Variants in CEP78 observed in about 807,000 individuals in gnomAD.
CEP78 encodes centrosomal protein 78, also known as centrosomal protein of 78 kDa.
CEP78 carries 76 observed loss-of-function variants against 81.2 expected under a neutral mutation model. That is an observed-to-expected ratio of 0.94 (90% CI 0.78 to 1.13). The LOEUF (loss-of-function observed/expected upper bound fraction) is 1.13, where lower values mean the gene tolerates loss of function less well. CEP78 is among the 50% of genes most tolerant of loss of function. CEP78 has a pLI of 0.00. For missense variants in CEP78, 918 were observed against 846.8 expected (o/e 1.08, Z -1.04); for synonymous variants, 293 against 301.4 (o/e 0.97, Z 0.29).
chr9:78,240,029 A>C lies in CEP78; in HGVS notation c.260A>C (p.Asp87Ala), dbSNP rs367709973. The C allele has an allele frequency of 3.2e-6, 5 of 1,571,354 alleles. No individual in the cohort carries two copies. The highest frequency in any genetic ancestry group is 4.3e-6 in the Non-Finnish European group (5 of 1,166,984). Residue 87 changes from aspartate to alanine, a missense_variant, in exon 2 of 17, where the codon GAC becomes GCC. Physicochemically the swap from Asp to Ala is moderately radical, Grantham distance 126. Coordinates refer to ENST00000643273, the MANE Select transcript of CEP78 (RefSeq NM_001330691.3). ...TCTTTTATCTTTGTTTTAGGTTCTGACATGAATAAATTTTGCAGAAGTCGT... is the reference window on the plus strand; with the variant it reads ...TCTTTTATCTTTGTTTTAGGTTCTGCCATGAATAAATTTTGCAGAAGTCGT... ...FQPWLGDTGSDMNKFCRSRVP... is the reference protein window; with the variant it reads ...FQPWLGDTGSAMNKFCRSRVP...
intron 16 of CEP78, among the ~76,000 whole-genome samples, chr9:78,267,725 T>G (rs1390263094): frequency 1.3e-5 from 2 of 151,824 alleles, no homozygotes; most frequent in Non-Finnish European, 2.9e-5. Flanking sequence ...TAGAAAAGAG[T>G]GGGGCTATCA....
chr9:78,274,899 A>G lies in CEP78; in HGVS notation c.*4048A>G, dbSNP rs1827769858. ...TCCAGGAAGAAAGAAGACAAAAGAG[A>G]TGAATTAAACATTTAAAGCTAAGAA... On this transcript the variant is annotated 3_prime_UTR_variant, in exon 17 of 17. Transcript: ENST00000643273. 2 of 152,220 alleles carry G rather than the reference A, an allele frequency of 1.3e-5. No individual in the cohort carries two copies. The highest frequency in any genetic ancestry group is 1.3e-4 in the Admixed American group (2 of 15,284). The allele number at this position is 152,220 out of a possible 1,614,324, so 9.4% of individuals were successfully genotyped here.
rs1162317340 is a variant in CEP78, at chr9:78,273,297, A to T, written c.*2446A>T. 6.6e-6 allele frequency: 1 copy of T among 152,236 alleles called. No homozygotes were observed. Among genetic ancestry groups the T allele is most frequent in the Non-Finnish European group, 1.5e-5 (1 of 68,042 alleles). 9.4% of individuals were successfully genotyped at this position (152,236 alleles called of 1,614,324 possible). On this transcript the variant is annotated 3_prime_UTR_variant, in exon 17 of 17. Coordinates refer to ENST00000643273, the MANE Select transcript of CEP78 (RefSeq NM_001330691.3). ...AGATGAACAAAAATATACCAGGCAG[A>T]TGCTAAAGAGTAAATGTGGCTGTGT...
intron 5 of CEP78, among the ~76,000 whole-genome samples, chr9:78,244,822 G>T (rs1231498432): frequency 2.6e-5 from 4 of 152,140 alleles, no homozygotes; most frequent in Non-Finnish European, 5.9e-5. Flanking sequence ...GTTATAAACA[G>T]TACTTTGATA....
In CEP78 at chr9:78,243,539, T is replaced by C. The variant is rs1394320696; in HGVS notation, c.681T>C (p.Ala227=). ...RYRRPDLDCM[A]GLRRITLNCN... is the part of the protein sequence containing the mutation. ...GGAGACCTGATCTTGACTGTATGGC[T>C]GGCTTAAGACGTATCACACTGAATT... Residue 227 remains alanine, a synonymous_variant, in exon 5 of 17, where the codon GCT becomes GCC. Coordinates refer to ENST00000643273, the MANE Select transcript of CEP78 (RefSeq NM_001330691.3). The C allele has an allele frequency of 6.2e-7, 1 of 1,613,938 alleles. No individual in the cohort carries two copies. The highest frequency in any genetic ancestry group is 1.1e-5 in the South Asian group (1 of 91,072).
chr9:78,271,499 A>G lies in CEP78; in HGVS notation c.*648A>G, dbSNP rs1368658896. On this transcript the variant is annotated 3_prime_UTR_variant, in exon 17 of 17. Coordinates refer to ENST00000643273, the MANE Select transcript of CEP78 (RefSeq NM_001330691.3). ...AAAAAAATATTTAGAGTTTCTGGAA[A>G]TTAAAAATTTGATTATGAAACTGAA... is the stretch of plus-strand genomic sequence containing the variant. 2 of 152,166 alleles carry G rather than the reference A, an allele frequency of 1.3e-5. No individual in the cohort carries two copies. Among genetic ancestry groups the G allele is most frequent in the African/African-American group, 4.8e-5 (2 of 41,398 alleles). 9.4% of individuals were successfully genotyped at this position (152,166 alleles called of 1,614,324 possible).
In CEP78 at chr9:78,246,690, G is replaced by T; in HGVS notation, c.800G>T (p.Gly267Val). ...WLRALDLQQC[G>V]LTNEGAKALL... The stretch of plus-strand genomic sequence containing the variant: ...AAAGCTCTTGACCTGCAACAGTGCG[G>T]CCTCACCAATGAAGGAGCAAAGGCT... Residue 267 changes from glycine (G) to valine (V), a missense_variant, in exon 6 of 17, where the codon GGC becomes GTC. Gly to Val is a moderately radical substitution (Grantham distance 109). Transcript: ENST00000643273. 6.2e-7 allele frequency: 1 copy of T among 1,609,358 alleles called. No homozygotes were observed. Among genetic ancestry groups the T allele is most frequent in the Non-Finnish European group, 8.5e-7 (1 of 1,177,698 alleles).
intron 1 of CEP78, among the ~76,000 whole-genome samples, chr9:78,237,836 G>A (rs1239956680): frequency 6.6e-6 from 1 of 151,808 alleles, no homozygotes; most frequent in Non-Finnish European, 1.5e-5. Flanking sequence ...GGGCACCGTG[G>A]CTTATGCCTG....
chr9:78,246,641 C>T (rs182181651), intron 5 of CEP78, 28 bp from the exon 6 acceptor site: 71 of 1,366,526 alleles, frequency 5.2e-5, no homozygotes, highest in Admixed American at 1.7e-4. Flanking sequence ...ATAGAATTAG[C>T]AAGTGACCCT....
intron 15 of CEP78, 108 bp downstream of exon 15, chr9:78,266,014 G>A: frequency 1.5e-6 from 1 of 645,810 alleles, no homozygotes; most frequent in Non-Finnish European, 2.9e-6. Context: ...AAACCTGTCT[G>A]CCACAGGAGT....
At chr9:78,269,721 C>T (rs1020449064) in intron 16 of CEP78, among the ~76,000 whole-genome samples, 9 of 152,040 alleles carry the variant, frequency 5.9e-5, no homozygotes, top group African/African-American at 2.2e-4. Context: ...GCAGGAATGC[C>T]CTGAGGGGGC....
chr9:78,240,147 G>A lies in CEP78; in HGVS notation c.378G>A (p.Glu126=). The A allele has an allele frequency of 6.3e-7, 1 of 1,594,630 alleles. No homozygotes were observed. Among genetic ancestry groups the A allele is most frequent in the Non-Finnish European group, 8.5e-7 (1 of 1,174,598 alleles). Residue 126 remains glutamate, a synonymous_variant, in exon 2 of 17, where the codon GAG becomes GAA. Transcript: ENST00000643273. ...TATCAAGTGTGCTAAAGAACCTGGA[G>A]CTAAATGGACTAATTCTGAGAGAGA... ...LSISSVLKNL[E]LNGLILRERD...
chr9:78,241,774 C>T lies in CEP78; in HGVS notation c.578C>T (p.Ala193Val). The T allele has an allele frequency of 6.2e-7, 1 of 1,603,464 alleles. No individual in the cohort carries two copies. The highest frequency in any genetic ancestry group is 8.5e-7 in the Non-Finnish European group (1 of 1,171,014). ...FTGCNLTWQG[A>V]DHMAKILKYQ... The stretch of plus-strand genomic sequence containing the variant: ...GGATGTAATCTGACATGGCAGGGAG[C>T]AGATCACATGGCCAAGATCTTAAAG... Residue 193 changes from alanine (A) to valine (V), a missense_variant, in exon 4 of 17, where the codon GCA becomes GTA. Transcript: ENST00000643273.
At chr9:78,251,087 ATATT>A (rs1318741692) in intron 8 of CEP78, among the ~76,000 whole-genome samples, 2 of 152,230 alleles carry the variant, frequency 1.3e-5, no homozygotes, top group African/African-American at 2.4e-5. Context: ...AAACAATTAT[ATATT>A]TAAGTGTGAA....
At position 78,272,286 on chromosome 9, in the gene CEP78, A is replaced by G. The variant is rs956855604; in HGVS notation, c.*1435A>G. 6.6e-6 allele frequency: 1 copy of G among 152,428 alleles called. No individual in the cohort carries two copies. Among genetic ancestry groups the G allele is most frequent in the Non-Finnish European group, 1.5e-5 (1 of 68,242 alleles). The allele number at this position is 152,428 out of a possible 1,614,324, so 9.4% of individuals were successfully genotyped here. On this transcript the variant is annotated 3_prime_UTR_variant, in exon 17 of 17. Coordinates refer to ENST00000643273, the MANE Select transcript of CEP78 (RefSeq NM_001330691.3). ...AATGATCCTCCCACCTTGGCCTCCC[A>G]AAGTGCTGAGACTACAGACCTGAGC...
rs1827815565 is a variant in CEP78, at chr9:78,276,883, A to G, written c.*6032A>G. On this transcript the variant is annotated 3_prime_UTR_variant, in exon 17 of 17. Coordinates refer to ENST00000643273, the MANE Select transcript of CEP78 (RefSeq NM_001330691.3). Reference sequence around the variant, plus strand: ...ATATAACCACAGTAAAGCTTTTTAAATGGATGTAATAACCTGATTATAACA... The same window carrying G: ...ATATAACCACAGTAAAGCTTTTTAAGTGGATGTAATAACCTGATTATAACA... 1 of 152,226 alleles carries G rather than the reference A, an allele frequency of 6.6e-6. No individual in the cohort carries two copies. 9.4% of individuals were successfully genotyped at this position (152,226 alleles called of 1,614,324 possible).
chr9:78,256,634 G>A (rs56145160), intron 11 of CEP78, among the ~76,000 whole-genome samples: 6,704 of 145,812 alleles, frequency 0.046, 255 homozygotes, highest in Admixed American at 0.15. Context: ...CCGGGTTCAC[G>A]CCATTCTCCT....
intron 5 of CEP78, among the ~76,000 whole-genome samples, chr9:78,244,253 A>G (rs529671042): frequency 6.8e-5 from 10 of 148,024 alleles, no homozygotes; most frequent in Non-Finnish European, 1.3e-4. Context: ...TCCTCCCACT[A>G]TACCCTCCGA....
rs201400986 is a variant in CEP78 at position 78,248,910 on chromosome 9, T to C, written c.1069+37T>C. ...TGTCTTGGCTTTTTAATGCTACTAGTGTTCTAGTGTGTTAAAATTAAAATC... is the reference window on the plus strand; with the variant it reads ...TGTCTTGGCTTTTTAATGCTACTAGCGTTCTAGTGTGTTAAAATTAAAATC... On this transcript the variant is annotated intron_variant, in intron 8 of 16. Coordinates refer to ENST00000643273, the MANE Select transcript of CEP78 (RefSeq NM_001330691.3). 5.2e-5 allele frequency: 50 copies of C among 962,718 alleles called. No homozygotes were observed. In the East Asian group the frequency reaches 1.3e-3, roughly 24 times the overall value. The allele number at this position is 962,718 out of a possible 1,614,324, so 59.6% of individuals were successfully genotyped here.
Sources: gnomAD v4.1 joint callset for allele counts (sites outside exome capture counted in the v4.1 genomes callset) on GRCh38, gnomAD v4.1.1 for gene constraint, MANE v1.5 for transcripts, NCBI Gene and HGNC (gene_info 2026-07-23, HGNC 2026-07-21) for gene names.